GALNT17: variants seen among roughly 807,000 people sequenced by gnomAD.
GALNT17 encodes the protein polypeptide N-acetylgalactosaminyltransferase 17.
A neutral mutation model predicts 63.7 loss-of-function variants in GALNT17; 29 were observed. The ratio of observed to expected loss-of-function variants is 0.46; its 90% confidence interval spans 0.34 to 0.62. The LOEUF (loss-of-function observed/expected upper bound fraction) is 0.62. Among genes scored for constraint, GALNT17 ranks in the 20% least tolerant of loss-of-function variants. GALNT17 has a pLI of 0.01. For synonymous variants in GALNT17, 305 were observed against 318.3 expected (o/e 0.96, Z 0.45); for missense variants, 603 against 799.6 (o/e 0.75, Z 2.97).
chr7:71,531,629 G>T (rs1788722329), intron 5 of GALNT17, among the ~76,000 whole-genome samples: 1 of 152,060 alleles, frequency 6.6e-6, no homozygotes, highest in Non-Finnish European at 1.5e-5. Context: ...TTGAGACAGG[G>T]TCTCACTGTG....
intron 5 of GALNT17, among the ~76,000 whole-genome samples, chr7:71,550,786 A>G (rs1008438227): frequency 2.0e-5 from 3 of 152,214 alleles, no homozygotes; most frequent in Non-Finnish European, 4.4e-5. Context: ...TAAATTTAGA[A>G]GATTTTAATT....
intron 6 of GALNT17, among the ~76,000 whole-genome samples, chr7:71,593,870 G>A (rs1274377949): frequency 6.6e-6 from 1 of 152,112 alleles, no homozygotes; most frequent in Non-Finnish European, 1.5e-5. Flanking sequence ...ATTTTTCTAA[G>A]CTTGCTTTTA....
chr7:71,614,911 G>A (rs1455230134), intron 6 of GALNT17, among the ~76,000 whole-genome samples: 2 of 127,522 alleles, frequency 1.6e-5, no homozygotes, highest in Non-Finnish European at 3.4e-5. Flanking sequence ...GAGGGAGGAA[G>A]GGAGGGAAAT....
At chr7:71,450,794 A>G (rs1311426734) in intron 5 of GALNT17, among the ~76,000 whole-genome samples, 2 of 152,276 alleles carry the variant, frequency 1.3e-5, no homozygotes, top group Admixed American at 1.3e-4. Flanking sequence ...TGTTAGCATC[A>G]TGCTTTCAAG....
chr7:71,517,355 C>T (rs1207443737), intron 5 of GALNT17, among the ~76,000 whole-genome samples: 1 of 152,128 alleles, frequency 6.6e-6, no homozygotes, highest in Non-Finnish European at 1.5e-5. Context: ...ACCTAATCAC[C>T]TCCCAAAGTC....
At chr7:71,625,433 ACCGAGCCCAGCT>A (rs1790358011) in intron 6 of GALNT17, among the ~76,000 whole-genome samples, 2 of 152,206 alleles carry the variant, frequency 1.3e-5, no homozygotes, top group Non-Finnish European at 2.9e-5. Flanking sequence ...GGCGTGAGCC[ACCGAGCCCAGCT>A]GGTCTCCAGC....
chr7:71,474,269 C>A (rs998464407), intron 5 of GALNT17, among the ~76,000 whole-genome samples: 2 of 152,156 alleles, frequency 1.3e-5, no homozygotes, highest in Non-Finnish European at 2.9e-5. Flanking sequence ...TGGATTTGGG[C>A]AAGGCTTCTT....
intron 5 of GALNT17, among the ~76,000 whole-genome samples, chr7:71,526,993 A>G (rs1023739447): frequency 6.6e-5 from 10 of 152,106 alleles, no homozygotes; most frequent in South Asian, 2.1e-4. Context: ...ACTAAATTCT[A>G]TATCTCTATC....
At chr7:71,159,606 A>G (rs1489824257) in intron 1 of GALNT17, among the ~76,000 whole-genome samples, 1 of 149,094 alleles carries the variant, frequency 6.7e-6, no homozygotes, top group East Asian at 2.0e-4. Flanking sequence ...CAAAACAATA[A>G]CTGTTGACAG....
intron 6 of GALNT17, among the ~76,000 whole-genome samples, chr7:71,657,926 A>C (rs1790853674): frequency 7.0e-6 from 1 of 143,634 alleles, no homozygotes. Context: ...GGATGGATTG[A>C]CAGGGTCTTG....
chr7:71,548,698 T>G (rs897473203), intron 5 of GALNT17, among the ~76,000 whole-genome samples: 8 of 152,214 alleles, frequency 5.3e-5, no homozygotes, highest in Non-Finnish European at 2.9e-5. Context: ...CCATTAAACC[T>G]CTTTGTCTTT....
intron 5 of GALNT17, among the ~76,000 whole-genome samples, chr7:71,566,679 T>TC (rs1362516073): frequency 5.3e-5 from 8 of 151,824 alleles, no homozygotes; most frequent in Non-Finnish European, 5.9e-5. Flanking sequence ...TTTTTTTTTT[T>TC]TTTCCTGCTC....
At chr7:71,203,374 G>C (rs1036556056) in intron 1 of GALNT17, among the ~76,000 whole-genome samples, 12 of 152,096 alleles carry the variant, frequency 7.9e-5, no homozygotes, top group African/African-American at 2.7e-4. Flanking sequence ...TTTTCAATTT[G>C]CATTTCCCTG....
intron 1 of GALNT17, among the ~76,000 whole-genome samples, chr7:71,227,540 C>T (rs181579517): frequency 3.8e-4 from 58 of 152,142 alleles, no homozygotes; most frequent in African/African-American, 1.3e-3. Context: ...AGGGGTTTTT[C>T]ATAAGCCATG....
At chr7:71,408,695 G>A (rs1015188267) in intron 3 of GALNT17, among the ~76,000 whole-genome samples, 6 of 151,988 alleles carry the variant, frequency 3.9e-5, no homozygotes, top group African/African-American at 9.7e-5. Context: ...GTAACATAGC[G>A]AGACCTCATC....
rs953816026 is a variant in GALNT17, at chr7:71,156,231, C to G, written c.238+23191C>G. ...AAAAAATTCATTCTTAACTTGGACA[C>G]ACATCGTGCCTGTAGCTTGAACACC... On this transcript the variant is annotated intron_variant, in intron 1 of 10. Coordinates refer to ENST00000333538, the MANE Select transcript of GALNT17 (RefSeq NM_022479.3). Among the ~76,000 whole-genome samples the G allele has an allele frequency of 2.0e-4, 31 of 151,530 alleles. 2 individuals are homozygous for G. The highest frequency in any genetic ancestry group is 6.8e-4 in the African/African-American group (28 of 41,012).
At chr7:71,359,646 C>T (rs1054622440) in intron 2 of GALNT17, among the ~76,000 whole-genome samples, 1 of 151,530 alleles carries the variant, frequency 6.6e-6, no homozygotes, top group African/African-American at 2.4e-5. Context: ...TGCGGTGGCA[C>T]CGTCTCGGCT....
intron 9 of GALNT17, among the ~76,000 whole-genome samples, chr7:71,693,756 C>T (rs1791497522): frequency 6.6e-6 from 1 of 151,378 alleles, no homozygotes; most frequent in African/African-American, 2.4e-5. Context: ...ACAACAAACC[C>T]CCATGACACA....
intron 8 of GALNT17, 89 bp from the exon 9 acceptor site, chr7:71,677,122 T>C (rs1418945915): frequency 1.0e-5 from 14 of 1,367,942 alleles, no homozygotes; most frequent in Non-Finnish European, 1.5e-5. Context: ...CATCATGAAG[T>C]TGGAACCAAG....
Sources: allele counts gnomAD v4.1 joint callset (sites outside exome capture counted in the v4.1 genomes callset), GRCh38; gene constraint gnomAD v4.1.1; transcripts MANE v1.5; gene names NCBI Gene and HGNC (gene_info 2026-07-23, HGNC 2026-07-21).